The following TEFM variants were observed in gnomAD, a reference collection of about 807,000 sequenced individuals.
The protein encoded by TEFM is transcription elongation factor, mitochondrial, also known as transcription elongation factor of mitochondria.
A neutral mutation model predicts 23.0 loss-of-function variants in TEFM; 14 were observed. The observed-to-expected ratio is 0.61, with a 90% CI of 0.40 to 0.95. The LOEUF (loss-of-function observed/expected upper bound fraction) is 0.95. TEFM is among the 40% of genes least tolerant of loss of function. The pLI is 0.00. For synonymous variants in TEFM, 155 were observed against 158.3 expected (o/e 0.98, Z 0.16); for missense variants, 386 against 425.5 (o/e 0.91, Z 0.82).
At position 30,906,170 on chromosome 17, in the gene TEFM, C is replaced by A; in HGVS notation, c.29G>T (p.Gly10Val). The stretch of plus-strand genomic sequence containing the variant: ...CCCCAGTGTTCCAAGCACCCTACCT[C>A]CCGCCGTGAAGAGGACAGACCCGCT... Reference protein sequence around the residue: MSGSVLFTAGERWRCFLTPS... With the variant: MSGSVLFTAVERWRCFLTPS... Residue 10 changes from glycine to valine, a missense_variant and splice_region_variant, in exon 1 of 4, where the codon GGA becomes GTA. Coordinates refer to ENST00000581216, the MANE Select transcript of TEFM (RefSeq NM_024683.4). 2 of 1,614,186 alleles carry A rather than the reference C, an allele frequency of 1.2e-6. No individual in the cohort carries two copies. The highest frequency in any genetic ancestry group is 1.3e-5 in the African/African-American group (1 of 75,054).
At chr17:30,899,724 G>T in intron 3 of TEFM, 118 bp from the exon 4 acceptor site, 1 of 708,370 alleles carries the variant, frequency 1.4e-6, no homozygotes, top group Non-Finnish European at 2.1e-6. Context: ...ATACTATATT[G>T]ACAATTTTGA....
chr17:30,905,229 G>T (rs1001011906), intron 1 of TEFM, among the ~76,000 whole-genome samples: 3 of 151,850 alleles, frequency 2.0e-5, no homozygotes, highest in Non-Finnish European at 2.9e-5. Flanking sequence ...TCCTGTTAAG[G>T]TTTGTCTTAG....
Position 30,900,666 on chromosome 17 carries a change from A to C in TEFM, c.496-104T>G. On this transcript the variant is annotated intron_variant, in intron 2 of 3. Transcript: ENST00000581216. ...TCCCAGGCTGGAGTGCAGTGGCGCGATCTCAACTCACTACAAGCTCCACCT... is the reference window on the plus strand; with the variant it reads ...TCCCAGGCTGGAGTGCAGTGGCGCGCTCTCAACTCACTACAAGCTCCACCT... 3.1e-6 allele frequency: 3 copies of C among 978,186 alleles called. No homozygotes were observed. The South Asian group carries it at 5.1e-5, about 17-fold the overall frequency. The allele number at this position is 978,186 out of a possible 1,614,324, so 60.6% of individuals were successfully genotyped here.
rs772443418 is a variant in TEFM at position 30,899,376 on chromosome 17, G to A, written c.876C>T (p.Ser292=). 1 of 1,613,974 alleles carries A rather than the reference G, an allele frequency of 6.2e-7. No homozygotes were observed. Among genetic ancestry groups the A allele is most frequent in the African/African-American group, 1.3e-5 (1 of 74,906 alleles). ...TCACTAGCTCTTTTCCACTAGTCCG[G>A]GAGTCACCAATCATCAGTTCAAAAT... ...GKHFELMIGD[S]RTSGKELVKQ... Residue 292 remains serine (S), a synonymous_variant, in exon 4 of 4, where the codon TCC becomes TCT. Coordinates refer to ENST00000581216, the MANE Select transcript of TEFM (RefSeq NM_024683.4).
At chr17:30,899,935 A>T (rs1481894854) in intron 3 of TEFM, 2 of 244,120 alleles carry the variant, frequency 8.2e-6, no homozygotes, top group African/African-American at 4.5e-5. Flanking sequence ...ATTTTCTGGG[A>T]TAGAGCATAC....
In TEFM at chr17:30,904,263, C is replaced by T. The variant is rs147523675; in HGVS notation, c.298G>A (p.Val100Ile). ...LLRGRRSINI[V>I]EHRENFGPFQ... ...GGCCCAAAGTTTTCTCTGTGCTCTACGATATTGATGGACCTTCTTCCACGA... is the reference window on the plus strand; with the variant it reads ...GGCCCAAAGTTTTCTCTGTGCTCTATGATATTGATGGACCTTCTTCCACGA... The change falls in exon 2 of 4, where the codon GTA (valine) becomes ATA (isoleucine). Residue 100 changes from valine to isoleucine, a missense_variant. Transcript: ENST00000581216. 15 of 1,614,148 alleles carry T rather than the reference C, an allele frequency of 9.3e-6. No individual in the cohort carries two copies. The African/African-American group carries it at 1.2e-4, about 13-fold the overall frequency.
chr17:30,903,585 G>A (rs1313236717), intron 2 of TEFM, among the ~76,000 whole-genome samples: 1 of 150,016 alleles, frequency 6.7e-6, no homozygotes, highest in Non-Finnish European at 1.5e-5. Context: ...TTTTAAAGGA[G>A]AAAAGGTACA....
chr17:30,900,696 G>A, intron 2 of TEFM, 134 bp from the exon 3 acceptor site: 1 of 725,962 alleles, frequency 1.4e-6, no homozygotes, highest in South Asian at 2.3e-5. Flanking sequence ...CCACCTTCTG[G>A]GTTCATGCCA....
chr17:30,899,436 C>G lies in TEFM; in HGVS notation c.816G>C (p.Gln272His), dbSNP rs764127503. Reference sequence around the variant, plus strand: ...CTGCATTTCGATTCATGCTCAGCACCTGATGCTGCCCATCCTGGGCAAAAG... The same window carrying G: ...CTGCATTTCGATTCATGCTCAGCACGTGATGCTGCCCATCCTGGGCAAAAG... ...NKTFAQDGQH[Q>H]VLSMNRNAVG... Residue 272 changes from glutamine (Q) to histidine (H), a missense_variant, in exon 4 of 4, where the codon CAG becomes CAC. By Grantham distance (24) the Gln-to-His change is conservative. Coordinates refer to ENST00000581216, the MANE Select transcript of TEFM (RefSeq NM_024683.4). 6.2e-7 allele frequency: 1 copy of G among 1,614,062 alleles called. No homozygotes were observed. Among genetic ancestry groups the G allele is most frequent in the African/African-American group, 1.3e-5 (1 of 74,924 alleles).
chr17:30,900,516 G>GCAATTCTT lies in TEFM; in HGVS notation c.534_541dup (p.Ala181GlufsTer12). ...CAACTTACGATCAAGGTGAGCCCAGGCAATTCTTCGAGTACCAAAAACGAT... is the reference window on the plus strand; with the variant it reads ...CAACTTACGATCAAGGTGAGCCCAGGCAATTCTTCAATTCTTCGAGTACCAAAAACGAT... On this transcript the variant is annotated frameshift_variant, in exon 3 of 4. Coordinates refer to ENST00000581216, the MANE Select transcript of TEFM (RefSeq NM_024683.4). LOFTEE classifies it high-confidence loss of function. 6.2e-7 allele frequency: 1 copy of GCAATTCTT among 1,614,100 alleles called. No homozygotes were observed. The highest frequency in any genetic ancestry group is 8.5e-7 in the Non-Finnish European group (1 of 1,179,986).
intron 2 of TEFM, among the ~76,000 whole-genome samples, chr17:30,902,005 G>A (rs769333009): frequency 6.6e-6 from 1 of 152,176 alleles, no homozygotes; most frequent in African/African-American, 2.4e-5. Flanking sequence ...AAGGTGGGAA[G>A]AAATTTTTTT....
intron 2 of TEFM, among the ~76,000 whole-genome samples, chr17:30,900,940 A>G (rs1462211327): frequency 6.6e-6 from 1 of 152,148 alleles, no homozygotes; most frequent in Non-Finnish European, 1.5e-5. Flanking sequence ...AACATAATCT[A>G]CAAATTCAGA....
At chr17:30,903,453 T>C (rs1910091549) in intron 2 of TEFM, among the ~76,000 whole-genome samples, 1 of 151,588 alleles carries the variant, frequency 6.6e-6, no homozygotes, top group African/African-American at 2.4e-5. Context: ...TCTGGATCTC[T>C]TGACCTTGTG....
rs370931617 is a variant in TEFM, at chr17:30,904,359, C to G, written c.202G>C (p.Glu68Gln). Residue 68 changes from glutamate to glutamine, a missense_variant, in exon 2 of 4, where the codon GAA (glutamate) becomes CAA (glutamine). Transcript: ENST00000581216. Reference sequence around the variant, plus strand: ...ACATGCAAGATGGAAGCCTGCTGTTCTGAAGAGAAGAGCTTGTCAAGTGCA... The same window carrying G: ...ACATGCAAGATGGAAGCCTGCTGTTGTGAAGAGAAGAGCTTGTCAAGTGCA... ...ENALDKLFSS[E>Q]QQASILHVLN... The G allele has an allele frequency of 8.1e-6, 13 of 1,614,206 alleles. No homozygotes were observed. The highest frequency in any genetic ancestry group is 1.1e-5 in the South Asian group (1 of 91,084).
rs201782442 is a variant in TEFM at position 30,903,228 on chromosome 17, TG to T, written c.495+837del. Among the ~76,000 whole-genome samples the T allele has an allele frequency of 6.5e-3, 769 of 118,976 alleles. 15 individuals are homozygous for T. The highest frequency in any genetic ancestry group is 0.022 in the African/African-American group (738 of 34,210). 78.1% of individuals were successfully genotyped at this position (118,976 alleles called of 152,430 possible). A position where few individuals can be genotyped will look rare whatever the true frequency, so the allele number is the denominator to read the frequency against. On this transcript the variant is annotated intron_variant, in intron 2 of 3. Transcript: ENST00000581216. ...AGAAAAAGAATTGCTTTTAGAATGG[TG>T]TTTTTTTTTTTTTTTTGAGACAGAG...
chr17:30,902,662 T>C (rs1910067806), intron 2 of TEFM, among the ~76,000 whole-genome samples: 2 of 152,224 alleles, frequency 1.3e-5, no homozygotes, highest in Admixed American at 6.5e-5. Context: ...TGTAGTATTC[T>C]GTGTATATGT....
At position 30,904,239 on chromosome 17, in the gene TEFM, G is replaced by C; in HGVS notation, c.322C>G (p.Pro108Ala). The C allele has an allele frequency of 6.2e-7, 1 of 1,614,068 alleles. No individual in the cohort carries two copies. Among genetic ancestry groups the C allele is most frequent in the Non-Finnish European group, 8.5e-7 (1 of 1,180,024 alleles). Residue 108 changes from proline to alanine, a missense_variant, in exon 2 of 4, where the codon CCA becomes GCA. Coordinates refer to ENST00000581216, the MANE Select transcript of TEFM (RefSeq NM_024683.4). Reference protein sequence around the residue: ...NIVEHRENFGPFQNLESLMNV... With the variant: ...NIVEHRENFGAFQNLESLMNV... ...ATTAAACTCTCTAAATTCTGAAATG[G>C]CCCAAAGTTTTCTCTGTGCTCTACG...
intron 3 of TEFM, 55 bp downstream of exon 3, chr17:30,900,358 T>C (rs1910009474): frequency 6.4e-7 from 1 of 1,557,682 alleles, no homozygotes; most frequent in South Asian, 1.1e-5. Context: ...GACCAGAAGA[T>C]TAAACTACAC....
At position 30,899,202 on chromosome 17, in the gene TEFM, G is replaced by A; in HGVS notation, c.1050C>T (p.Phe350=). The A allele has an allele frequency of 6.2e-7, 1 of 1,604,944 alleles. No individual in the cohort carries two copies. The highest frequency in any genetic ancestry group is 8.5e-7 in the Non-Finnish European group (1 of 1,174,428). ...LYDSLLQAIA[F]YELAVFDSQP ...GAGAGTCAAACACTGCTAATTCATA[G>A]AAGGCAATAGCTTGTAATAATGAAT... The change falls in exon 4 of 4, where the codon TTC becomes TTT. Residue 350 remains phenylalanine, a synonymous_variant. Coordinates refer to ENST00000581216, the MANE Select transcript of TEFM (RefSeq NM_024683.4).
Sources: allele counts gnomAD v4.1 joint callset (sites outside exome capture counted in the v4.1 genomes callset), GRCh38; gene constraint gnomAD v4.1.1; transcripts MANE v1.5; gene names NCBI Gene and HGNC (gene_info 2026-07-23, HGNC 2026-07-21).